The following MYL10 variants were observed in gnomAD, a reference collection of about 807,000 sequenced individuals.
The protein encoded by MYL10 is myosin regulatory light chain 10.
In MYL10, 18 loss-of-function variants were observed where a neutral mutation model predicts 21.9. The ratio of observed to expected loss-of-function variants is 0.82; its 90% CI spans 0.57 to 1.22. MYL10 has a LOEUF of 1.22. MYL10 is among the 50% of genes most tolerant of loss of function. The pLI, the probability that MYL10 is intolerant of heterozygous loss-of-function variation, is 0.00. For synonymous variants in MYL10, 88 were observed against 82.8 expected (o/e 1.06, Z -0.34); for missense variants, 225 against 230.4 (o/e 0.98, Z 0.15).
In MYL10 at chr7:101,616,295, G is replaced by C. The variant is rs201660825; in HGVS notation, c.458C>G (p.Thr153Arg). ...GTGGAGAATGGTCTCCTCTGGGTCC[G>C]TGCCTATAAGCAGCACATACAGGGC... ...LTMFGEKLKGTDPEETILHAF... is the reference protein window; with the variant it reads ...LTMFGEKLKGRDPEETILHAF... The change falls in exon 6 of 8, where the codon ACG becomes AGG. Residue 153 changes from threonine to arginine, a missense_variant. By Grantham distance (71) the Thr-to-Arg change is moderately conservative (BLOSUM62 -1). Transcript: ENST00000223167. 9.3e-6 allele frequency: 15 copies of C among 1,613,560 alleles called. No homozygotes were observed. The highest frequency in any genetic ancestry group is 1.2e-5 in the Non-Finnish European group (14 of 1,179,636).
At chr7:101,617,687 G>T (rs920478786) in intron 5 of MYL10, among the ~76,000 whole-genome samples, 1 of 152,174 alleles carries the variant, frequency 6.6e-6, no homozygotes, top group Non-Finnish European at 1.5e-5. Flanking sequence ...CTGGGTCAGG[G>T]CCATCTGTGC....
intron 4 of MYL10, among the ~76,000 whole-genome samples, 184 bp from the exon 5 acceptor site, chr7:101,622,384 C>T (rs1175145104): frequency 1.3e-5 from 2 of 152,148 alleles, no homozygotes; most frequent in East Asian, 3.9e-4. Context: ...CGGCTGCCCC[C>T]AGCCTCATGA....
chr7:101,621,514 G>A (rs1416982408), intron 5 of MYL10, among the ~76,000 whole-genome samples: 1 of 152,150 alleles, frequency 6.6e-6, no homozygotes, highest in Non-Finnish European at 1.5e-5. Context: ...CTCACAGGTA[G>A]GAAGGTAGGG....
chr7:101,616,105 G>A (rs1159618948), intron 6 of MYL10, 115 bp downstream of exon 6: 2 of 778,294 alleles, frequency 2.6e-6, no homozygotes, highest in Admixed American at 4.3e-5. Flanking sequence ...GGGCTGGGCA[G>A]CGGCCCCCCA....
Position 101,622,045 on chromosome 7 carries a change from T to TC in MYL10, c.454+50dup, listed in dbSNP as rs748907711. 20 of 1,405,062 alleles carry TC rather than the reference T, an allele frequency of 1.4e-5. No homozygotes were observed. The South Asian group carries it at 2.4e-4, about 17-fold the overall frequency. 87.0% of individuals were successfully genotyped at this position (1,405,062 alleles called of 1,614,324 possible). On this transcript the variant is annotated intron_variant, in intron 5 of 7. Transcript: ENST00000223167. ...TCAGGCCCCTGCCTTCCTACATCCGTCCCCCTGCCATTCCCTGCTGCCCCT... is the reference window on the plus strand; with the variant it reads ...TCAGGCCCCTGCCTTCCTACATCCGTCCCCCCTGCCATTCCCTGCTGCCCCT...
chr7:101,620,388 A>G (rs1796663469), intron 5 of MYL10, among the ~76,000 whole-genome samples: 1 of 152,134 alleles, frequency 6.6e-6, no homozygotes, highest in Non-Finnish European at 1.5e-5. Context: ...GGGCGGGGCC[A>G]TTGACGGCGA....
At chr7:101,626,794 GA>G (rs1796751737) in intron 1 of MYL10, among the ~76,000 whole-genome samples, 1 of 152,182 alleles carries the variant, frequency 6.6e-6, no homozygotes, top group African/African-American at 2.4e-5. Context: ...CAAAGTCCAG[GA>G]AAGCAGAGGC....
chr7:101,624,052 A>ATAG (rs1195415622), intron 2 of MYL10, 31 bp from the exon 3 acceptor site: 2 of 668,378 alleles, frequency 3.0e-6, no homozygotes, highest in Admixed American at 4.9e-5. Flanking sequence ...AATAATAATA[A>ATAG]TAGTAATAAT....
At chr7:101,623,508 G>A (rs1237437854) in intron 3 of MYL10, among the ~76,000 whole-genome samples, 2 of 151,476 alleles carry the variant, frequency 1.3e-5, no homozygotes, top group Non-Finnish European at 2.9e-5. Flanking sequence ...AAGCCTGGGC[G>A]AAATAATGAG....
chr7:101,624,818 TC>T (rs766210480), intron 1 of MYL10, among the ~76,000 whole-genome samples: 10 of 152,014 alleles, frequency 6.6e-5, no homozygotes, highest in Middle Eastern at 3.2e-3. Flanking sequence ...CTGTTGGAAT[TC>T]CCTGCTTGGA....
intron 5 of MYL10, among the ~76,000 whole-genome samples, chr7:101,617,757 G>T (rs913569119): frequency 2.0e-5 from 3 of 151,668 alleles, no homozygotes; most frequent in Non-Finnish European, 4.4e-5. Context: ...CTGGGTCAGG[G>T]TCATCTGTGC....
At chr7:101,627,030 G>C (rs932114063) in intron 1 of MYL10, among the ~76,000 whole-genome samples, 2 of 151,990 alleles carry the variant, frequency 1.3e-5, no homozygotes, top group African/African-American at 2.4e-5. Context: ...TGTGGCTCAC[G>C]CCTGTAATCC....
intron 6 of MYL10, among the ~76,000 whole-genome samples, chr7:101,614,661 G>A (rs1426361481): frequency 3.3e-5 from 5 of 152,270 alleles, no homozygotes; most frequent in East Asian, 3.9e-4. Flanking sequence ...CACAGACCCC[G>A]AGGGAGGGGT....
At chr7:101,626,660 A>C (rs991908858) in intron 1 of MYL10, among the ~76,000 whole-genome samples, 5 of 152,112 alleles carry the variant, frequency 3.3e-5, no homozygotes, top group Admixed American at 2.0e-4. Context: ...CGCTGCCCCA[A>C]ATACTGACCC....
chr7:101,624,654 C>A (rs989801304), intron 1 of MYL10, among the ~76,000 whole-genome samples: 8 of 152,208 alleles, frequency 5.3e-5, no homozygotes, highest in African/African-American at 1.9e-4. Flanking sequence ...AAACCTTCTT[C>A]GTGTTCTCAG....
At chr7:101,615,398 C>A (rs916044107) in intron 6 of MYL10, among the ~76,000 whole-genome samples, 8 of 151,664 alleles carry the variant, frequency 5.3e-5, no homozygotes, top group Non-Finnish European at 1.0e-4. Flanking sequence ...CTCAGGTTCT[C>A]CCATGCTCCC....
At chr7:101,615,411 G>A (rs1172510811) in intron 6 of MYL10, among the ~76,000 whole-genome samples, 1 of 151,400 alleles carries the variant, frequency 6.6e-6, no homozygotes, top group Non-Finnish European at 1.5e-5. Context: ...ATGCTCCCAG[G>A]GCAGACGCAG....
intron 5 of MYL10, among the ~76,000 whole-genome samples, chr7:101,620,820 T>C (rs1796669089): frequency 6.7e-6 from 1 of 148,348 alleles, no homozygotes; most frequent in Non-Finnish European, 1.5e-5. Flanking sequence ...GTGGAGTCTG[T>C]CTCTGTCACC....
At chr7:101,620,778 C>CT (rs1392044633) in intron 5 of MYL10, among the ~76,000 whole-genome samples, 3,416 of 133,914 alleles carry the variant, frequency 0.026, 114 homozygotes, top group African/African-American at 0.083. Flanking sequence ...CTGACCCTTC[C>CT]TTTTTTTTTT....
Sources: gnomAD v4.1 joint callset for allele counts (sites outside exome capture counted in the v4.1 genomes callset) on GRCh38, gnomAD v4.1.1 for gene constraint, MANE v1.5 for transcripts, NCBI Gene and HGNC (gene_info 2026-07-23, HGNC 2026-07-21) for gene names.